PTPRT: variants seen among roughly 807,000 people sequenced by gnomAD.
PTPRT encodes the protein receptor-type tyrosine-protein phosphatase T.
PTPRT carries 56 observed loss-of-function variants against 176.8 expected under a neutral mutation model. The observed-to-expected ratio is 0.32, with a 90% confidence interval of 0.26 to 0.40. PTPRT has a LOEUF of 0.40. Among genes scored for constraint, PTPRT ranks in the 10% least tolerant of loss-of-function variants. The pLI, the probability that PTPRT is intolerant of heterozygous loss-of-function variation, is 1.00. For missense variants in PTPRT, 1,540 were observed against 1,908.2 expected (o/e 0.81, Z 3.60); for synonymous variants, 783 against 739.0 (o/e 1.06, Z -0.96).
chr20:42,100,314 A>G (rs1050503903), intron 26 of PTPRT, among the ~76,000 whole-genome samples: 1 of 152,224 alleles, frequency 6.6e-6, no homozygotes, highest in Non-Finnish European at 1.5e-5. Context: ...CATGGATAAC[A>G]TCATCCTTTA....
At chr20:42,391,111 A>AT (rs1454033206) in intron 9 of PTPRT, among the ~76,000 whole-genome samples, 1 of 152,156 alleles carries the variant, frequency 6.6e-6, no homozygotes, top group South Asian at 2.1e-4. Context: ...GTATTTGAGA[A>AT]TTTTTTAGAG....
intron 7 of PTPRT, among the ~76,000 whole-genome samples, chr20:42,549,780 A>T (rs1381989606): frequency 6.6e-6 from 1 of 152,160 alleles, no homozygotes; most frequent in Non-Finnish European, 1.5e-5. Flanking sequence ...CAGCTGCGAC[A>T]ACACTGCCTT....
At chr20:42,679,482 C>A (rs1029643389) in intron 6 of PTPRT, among the ~76,000 whole-genome samples, 2 of 151,560 alleles carry the variant, frequency 1.3e-5, no homozygotes, top group Non-Finnish European at 2.9e-5. Flanking sequence ...TTTTTATTTG[C>A]AGTAAAAATG....
chr20:43,051,260 G>T (rs1987030943), intron 1 of PTPRT, among the ~76,000 whole-genome samples: 1 of 152,106 alleles, frequency 6.6e-6, no homozygotes, highest in African/African-American at 2.4e-5. Context: ...AGTTTGAATT[G>T]GGTCTCTTGC....
chr20:42,874,507 A>G (rs2078898342), intron 2 of PTPRT, among the ~76,000 whole-genome samples: 1 of 152,240 alleles, frequency 6.6e-6, no homozygotes, highest in Non-Finnish European at 1.5e-5. Flanking sequence ...GAATTAGGCA[A>G]AAGTCCACTT....
At chr20:42,573,323 AC>A (rs1215605866) in intron 7 of PTPRT, among the ~76,000 whole-genome samples, 32 of 151,778 alleles carry the variant, frequency 2.1e-4, no homozygotes, top group Non-Finnish European at 4.3e-4. Flanking sequence ...GCATGAGTCC[AC>A]CCCCCACCCA....
intron 1 of PTPRT, among the ~76,000 whole-genome samples, chr20:43,181,099 G>A (rs992633737): frequency 4.6e-5 from 7 of 152,268 alleles, no homozygotes; most frequent in African/African-American, 1.7e-4. Context: ...ACTGAGCGTG[G>A]CCTCTAGCAA....
At chr20:42,722,539 A>T (rs1165271547) in intron 6 of PTPRT, among the ~76,000 whole-genome samples, 1 of 152,074 alleles carries the variant, frequency 6.6e-6, no homozygotes, top group Non-Finnish European at 1.5e-5. Context: ...CACTTTCTGC[A>T]CCCTCGCTGG....
At position 42,236,128 on chromosome 20, in the gene PTPRT, T is replaced by G. The variant is rs2056236850; in HGVS notation, c.2342+101A>C. ...AGGCTACAGACAACTTAGACAGAAG[T>G]GAAAATGAGAAACTAACAGACACTT... On this transcript the variant is annotated intron_variant, in intron 15 of 30. Transcript: ENST00000373187. 1.3e-5 allele frequency: 14 copies of G among 1,055,492 alleles called. No homozygotes were observed. In the East Asian group the frequency reaches 3.3e-4, roughly 25 times the overall value. The allele number at this position is 1,055,492 out of a possible 1,614,324, so 65.4% of individuals were successfully genotyped here.
chr20:42,179,656 C>T (rs1211528962), intron 16 of PTPRT, among the ~76,000 whole-genome samples: 2 of 151,890 alleles, frequency 1.3e-5, no homozygotes, highest in Admixed American at 6.5e-5. Flanking sequence ...TAAACCCTCA[C>T]CACATTTAGG....
At chr20:43,113,462 G>T (rs901786209) in intron 1 of PTPRT, among the ~76,000 whole-genome samples, 1 of 152,140 alleles carries the variant, frequency 6.6e-6, no homozygotes, top group Non-Finnish European at 1.5e-5. Flanking sequence ...TTAATTTGAT[G>T]ACATTTTTAT....
At chr20:42,494,971 C>T (rs2071628119) in intron 7 of PTPRT, among the ~76,000 whole-genome samples, 1 of 152,162 alleles carries the variant, frequency 6.6e-6, no homozygotes. Flanking sequence ...GTGAATCTCC[C>T]TCCTCTAATC....
intron 7 of PTPRT, among the ~76,000 whole-genome samples, chr20:42,656,243 T>C (rs886693678): frequency 4.6e-5 from 7 of 151,512 alleles, no homozygotes; most frequent in Admixed American, 6.6e-5. Context: ...CTAAGGAAAA[T>C]AGAGGGATGG....
chr20:42,226,696 G>T (rs1194248545), intron 15 of PTPRT, among the ~76,000 whole-genome samples: 4 of 152,208 alleles, frequency 2.6e-5, no homozygotes, highest in African/African-American at 9.6e-5. Context: ...GCTTTCGGAA[G>T]TAAACCCAAT....
chr20:42,936,950 C>T (rs535106010), intron 1 of PTPRT, among the ~76,000 whole-genome samples: 16 of 152,184 alleles, frequency 1.1e-4, no homozygotes, highest in African/African-American at 2.9e-4. Flanking sequence ...CTGAAAGCCT[C>T]GGCCCTGCAT....
In PTPRT at chr20:43,090,321, G is replaced by A. The variant is rs1478022348; in HGVS notation, c.88+99325C>T. The stretch of plus-strand genomic sequence containing the variant: ...CTTGTTCTGTCGCCCAGGCTGGAGT[G>A]CAGTGGCGCCATCTCAGCTCACTGC... On this transcript the variant is annotated intron_variant, in intron 1 of 30. Transcript: ENST00000373187. Among the ~76,000 whole-genome samples the A allele has an allele frequency of 4.7e-5, 7 of 150,486 alleles. No homozygotes were observed. The South Asian group carries it at 1.5e-3, about 32-fold the overall frequency.
At chr20:42,853,633 T>G (rs1432836561) in intron 2 of PTPRT, among the ~76,000 whole-genome samples, 1 of 152,224 alleles carries the variant, frequency 6.6e-6, no homozygotes, top group Non-Finnish European at 1.5e-5. Context: ...GGATTAAGCT[T>G]GCCCACATTG....
rs1435061052 is a variant in PTPRT at position 42,617,559 on chromosome 20, C to T, written c.1153+60307G>A. Among the ~76,000 whole-genome samples, 14 of 136,450 alleles carry T rather than the reference C, an allele frequency of 1.0e-4. 1 individual carries two copies. The highest frequency in any genetic ancestry group is 7.0e-5 in the Admixed American group (1 of 14,384). The allele number at this position is 136,450 out of a possible 152,430, so 89.5% of individuals were successfully genotyped here. The stretch of plus-strand genomic sequence containing the variant: ...CTCTGGTAGAATTCAGCTGTGAATC[C>T]ATCTGGTCCTGGACTCTTTTTGGTT... On this transcript the variant is annotated intron_variant, in intron 7 of 30. Transcript: ENST00000373187.
chr20:42,338,650 C>CT (rs1490303855), intron 11 of PTPRT, among the ~76,000 whole-genome samples: 3 of 152,006 alleles, frequency 2.0e-5, no homozygotes, highest in South Asian at 2.1e-4. Context: ...GACCAAATTC[C>CT]TTTTTTTGAA....
Sources: allele counts gnomAD v4.1 joint callset (sites outside exome capture counted in the v4.1 genomes callset), GRCh38; gene constraint gnomAD v4.1.1; transcripts MANE v1.5; gene names NCBI Gene and HGNC (gene_info 2026-07-23, HGNC 2026-07-21).